The following TRAF3IP1 variants were observed in gnomAD, a reference collection of about 807,000 sequenced individuals.
TRAF3IP1 encodes the protein TRAF3-interacting protein 1.
Under a neutral mutation model 89.9 loss-of-function variants are expected in TRAF3IP1, and 53 were observed. That is an observed-to-expected ratio of 0.59 (90% CI 0.47 to 0.74). The LOEUF (loss-of-function observed/expected upper bound fraction) is 0.74. TRAF3IP1 is among the 30% of genes least tolerant of loss of function. TRAF3IP1 has a pLI of 0.00. For synonymous variants in TRAF3IP1, 311 were observed against 322.1 expected (o/e 0.97, Z 0.37); for missense variants, 806 against 866.1 (o/e 0.93, Z 0.87).
chr2:238,377,798 A>G (rs1700380960), intron 15 of TRAF3IP1, among the ~76,000 whole-genome samples: 1 of 152,320 alleles, frequency 6.6e-6, no homozygotes, highest in Middle Eastern at 3.4e-3. Flanking sequence ...ACAGCTTCAC[A>G]TGTAAAACCA....
intron 11 of TRAF3IP1, 122 bp from the exon 12 acceptor site, chr2:238,349,203 C>A: frequency 1.1e-6 from 1 of 937,714 alleles, no homozygotes; most frequent in Non-Finnish European, 1.6e-6. Context: ...GTAGCGTGTC[C>A]TAACCAGCAC....
chr2:238,332,235 A>G (rs1698160028), intron 5 of TRAF3IP1, among the ~76,000 whole-genome samples: 1 of 152,248 alleles, frequency 6.6e-6, no homozygotes, highest in Non-Finnish European at 1.5e-5. Flanking sequence ...AATGAAGATA[A>G]TCATTCTACT....
At position 238,397,626 on chromosome 2, in the gene TRAF3IP1, G is replaced by C; in HGVS notation, c.1857G>C (p.Gln619His). ...TGGATGCCATGCAGAATGAGCTGCA[G>C]ATGTGGCACAGCGAGAACAGGCAGC... ...EDVDAMQNEL[Q>H]MWHSENRQHA... The change falls in exon 16 of 17, where the codon CAG becomes CAC. Residue 619 changes from glutamine to histidine, a missense_variant. Around this residue, in one of 3 missense-constraint regions of TRAF3IP1, gnomAD observed 732 missense variants for 780.5 expected, o/e 0.94. Coordinates refer to ENST00000373327, the MANE Select transcript of TRAF3IP1 (RefSeq NM_015650.4). 6.2e-7 allele frequency: 1 copy of C among 1,612,634 alleles called. No individual in the cohort carries two copies. The highest frequency in any genetic ancestry group is 2.2e-5 in the East Asian group (1 of 44,884).
At chr2:238,362,384 T>C (rs1699699569) in intron 15 of TRAF3IP1, among the ~76,000 whole-genome samples, 1 of 152,190 alleles carries the variant, frequency 6.6e-6, no homozygotes, top group African/African-American at 2.4e-5. Context: ...GCTAAAACAT[T>C]AGTGGCGTAA....
intron 15 of TRAF3IP1, among the ~76,000 whole-genome samples, chr2:238,373,345 A>G (rs1242582877): frequency 2.6e-5 from 4 of 152,146 alleles, no homozygotes; most frequent in Non-Finnish European, 5.9e-5. Flanking sequence ...TCAGCTTTCT[A>G]CATATGGCTA....
intron 8 of TRAF3IP1, among the ~76,000 whole-genome samples, chr2:238,339,129 A>C (rs1218140833): frequency 6.6e-6 from 1 of 152,128 alleles, no homozygotes; most frequent in East Asian, 1.9e-4. Flanking sequence ...CACGTTCTGG[A>C]GCGTAGCTGG....
At chr2:238,374,406 C>G (rs191312571) in intron 15 of TRAF3IP1, among the ~76,000 whole-genome samples, 1 of 152,178 alleles carries the variant, frequency 6.6e-6, no homozygotes, top group African/African-American at 2.4e-5. Context: ...TTTGTCGGTT[C>G]TGTTTATGTG....
chr2:238,363,139 A>G (rs1699732761), intron 15 of TRAF3IP1, among the ~76,000 whole-genome samples: 1 of 152,214 alleles, frequency 6.6e-6, no homozygotes, highest in African/African-American at 2.4e-5. Context: ...TCTAGCAAAG[A>G]ATCAACTTTC....
intron 15 of TRAF3IP1, among the ~76,000 whole-genome samples, chr2:238,369,622 G>A (rs1398565729): frequency 6.6e-6 from 1 of 151,508 alleles, no homozygotes; most frequent in Non-Finnish European, 1.5e-5. Flanking sequence ...AAACGAGGCT[G>A]TGCTGCCTTT....
At chr2:238,334,420 G>GT (rs1186438100) in intron 7 of TRAF3IP1, among the ~76,000 whole-genome samples, 1 of 152,218 alleles carries the variant, frequency 6.6e-6, no homozygotes. Flanking sequence ...GGCAGATAAT[G>GT]TTTATGTGTT....
intron 8 of TRAF3IP1, among the ~76,000 whole-genome samples, chr2:238,344,135 C>T (rs1462119025): frequency 2.0e-5 from 3 of 152,168 alleles, no homozygotes; most frequent in East Asian, 1.9e-4. Flanking sequence ...CTGAAACAGC[C>T]GCCTACTTGC....
intron 15 of TRAF3IP1, among the ~76,000 whole-genome samples, chr2:238,380,231 C>A (rs1052880620): frequency 6.6e-6 from 1 of 152,114 alleles, no homozygotes; most frequent in Non-Finnish European, 1.5e-5. Context: ...CAGGTGACTT[C>A]GTATGCAGCT....
At chr2:238,363,432 T>C (rs1032202880) in intron 15 of TRAF3IP1, among the ~76,000 whole-genome samples, 1 of 152,230 alleles carries the variant, frequency 6.6e-6, no homozygotes, top group Non-Finnish European at 1.5e-5. Context: ...TTTTAACATA[T>C]GGGCAGTTGG....
chr2:238,328,621 C>G, intron 3 of TRAF3IP1, 65 bp from the exon 4 acceptor site: 1 of 1,542,984 alleles, frequency 6.5e-7, no homozygotes. Context: ...TGGCGATGTT[C>G]TATTTGTTAC....
chr2:238,394,849 G>GA (rs762760923), intron 15 of TRAF3IP1, among the ~76,000 whole-genome samples: 79 of 152,302 alleles, frequency 5.2e-4, no homozygotes, highest in Non-Finnish European at 9.7e-4. Context: ...GAGCTTATGT[G>GA]AATCACAGTG....
At chr2:238,357,013 C>G (rs13028849) in intron 15 of TRAF3IP1, among the ~76,000 whole-genome samples, 1,631 of 152,242 alleles carry the variant, frequency 0.011, 14 homozygotes, top group Non-Finnish European at 0.018. Context: ...CTCCTGACCT[C>G]GTGATCCACC....
chr2:238,347,853 C>G (rs1168886869), intron 10 of TRAF3IP1, among the ~76,000 whole-genome samples: 1 of 152,100 alleles, frequency 6.6e-6, no homozygotes, highest in Non-Finnish European at 1.5e-5. Flanking sequence ...TCTCGAACTC[C>G]TGACCTCAGG....
chr2:238,375,020 TTTC>T (rs1296345151), intron 15 of TRAF3IP1, among the ~76,000 whole-genome samples: 1 of 152,210 alleles, frequency 6.6e-6, no homozygotes, highest in African/African-American at 2.4e-5. Flanking sequence ...TCTTCTCTCT[TTTC>T]TTCTTTATTA....
At chr2:238,368,783 G>C (rs929635750) in intron 15 of TRAF3IP1, among the ~76,000 whole-genome samples, 1 of 152,052 alleles carries the variant, frequency 6.6e-6, no homozygotes, top group African/African-American at 2.4e-5. Flanking sequence ...TGATTTTCCT[G>C]CCTCAGCCTT....
Sources: allele counts gnomAD v4.1 joint callset (sites outside exome capture counted in the v4.1 genomes callset), GRCh38; gene constraint gnomAD v4.1.1; regional missense constraint gnomAD v4.1.1; transcripts MANE v1.5; gene names NCBI Gene and HGNC (gene_info 2026-07-23, HGNC 2026-07-21).